Variants in ZC2HC1A observed in about 807,000 individuals in gnomAD.
ZC2HC1A encodes zinc finger C2HC-type containing 1A.
In ZC2HC1A, 28 loss-of-function variants were observed where a neutral mutation model predicts 40.7. The ratio of observed to expected loss-of-function variants is 0.69; its 90% CI spans 0.51 to 0.94. The LOEUF is 0.94. Among genes scored for constraint, ZC2HC1A ranks in the 40% least tolerant of loss-of-function variants. The pLI, the probability that ZC2HC1A is intolerant of heterozygous loss-of-function variation, is 0.00. For synonymous variants in ZC2HC1A, 129 were observed against 129.2 expected (o/e 1.00, Z 0.01); for missense variants, 389 against 386.3 (o/e 1.01, Z -0.06).
In ZC2HC1A at chr8:78,719,009, A is replaced by G. The variant is rs1380526765; in HGVS notation, c.*1516A>G. The G allele has an allele frequency of 6.6e-6, 1 of 151,756 alleles. No individual in the cohort carries two copies. Among genetic ancestry groups the G allele is most frequent in the Non-Finnish European group, 1.5e-5 (1 of 67,682 alleles). 9.4% of individuals were successfully genotyped at this position (151,756 alleles called of 1,614,324 possible). On this transcript the variant is annotated 3_prime_UTR_variant, in exon 9 of 9. Transcript: ENST00000263849. ...TAATAGGAATTGTCATTTTACTTAC[A>G]GTTTATTTCCTGATTAGTTGTTAAT... is the stretch of plus-strand genomic sequence containing the variant.
chr8:78,696,224 CG>C (rs1810408330), intron 5 of ZC2HC1A, among the ~76,000 whole-genome samples: 1 of 152,090 alleles, frequency 6.6e-6, no homozygotes, highest in African/African-American at 2.4e-5. Context: ...TTAGTAGAGA[CG>C]GGGTTTCACT....
At chr8:78,673,684 G>A (rs1399120257) in intron 1 of ZC2HC1A, among the ~76,000 whole-genome samples, 4 of 152,082 alleles carry the variant, frequency 2.6e-5, no homozygotes, top group African/African-American at 7.2e-5. Flanking sequence ...CCTTGCTACC[G>A]GGTAGAAGTT....
intron 7 of ZC2HC1A, among the ~76,000 whole-genome samples, chr8:78,714,240 CTT>C (rs1164922255): frequency 3.3e-5 from 5 of 152,100 alleles, no homozygotes; most frequent in Non-Finnish European, 7.4e-5. Context: ...CTTAGGGGCT[CTT>C]TACCTCATTT....
intron 7 of ZC2HC1A, among the ~76,000 whole-genome samples, chr8:78,703,397 G>A (rs539173453): frequency 3.3e-4 from 51 of 152,240 alleles, no homozygotes; most frequent in African/African-American, 1.2e-3. Flanking sequence ...CACTATTATC[G>A]TGTGAGAGTC....
At chr8:78,704,433 C>A (rs1315162017) in intron 7 of ZC2HC1A, among the ~76,000 whole-genome samples, 9 of 150,504 alleles carry the variant, frequency 6.0e-5, no homozygotes, top group Non-Finnish European at 1.3e-4. Flanking sequence ...TCCCCAATAT[C>A]TTCTGGCTTG....
At chr8:78,676,892 A>T (rs1809599824) in intron 2 of ZC2HC1A, among the ~76,000 whole-genome samples, 1 of 151,956 alleles carries the variant, frequency 6.6e-6, no homozygotes, top group African/African-American at 2.4e-5. Context: ...CTGAAACTTG[A>T]ATTATGTTGG....
At chr8:78,673,032 A>G (rs1024773654) in intron 1 of ZC2HC1A, among the ~76,000 whole-genome samples, 2 of 151,942 alleles carry the variant, frequency 1.3e-5, no homozygotes, top group East Asian at 1.9e-4. Context: ...CCCCACATGC[A>G]TTAGGTATTT....
intron 5 of ZC2HC1A, among the ~76,000 whole-genome samples, chr8:78,694,397 C>A (rs1281399102): frequency 6.6e-6 from 1 of 151,654 alleles, no homozygotes; most frequent in Non-Finnish European, 1.5e-5. Context: ...TTCATGCCTT[C>A]TTCCAGAGAA....
At chr8:78,699,777 T>C (rs185583464) in intron 7 of ZC2HC1A, among the ~76,000 whole-genome samples, 2 of 152,320 alleles carry the variant, frequency 1.3e-5, no homozygotes, top group East Asian at 1.9e-4. Flanking sequence ...GCTCCATTCA[T>C]GTCCCTCCTA....
chr8:78,695,535 A>G (rs1810372456), intron 5 of ZC2HC1A, among the ~76,000 whole-genome samples: 1 of 152,022 alleles, frequency 6.6e-6, no homozygotes, highest in Admixed American at 6.6e-5. Flanking sequence ...TTGTTTCCTA[A>G]TCTGATTTTA....
intron 7 of ZC2HC1A, among the ~76,000 whole-genome samples, chr8:78,699,292 C>T (rs1563633508): frequency 6.6e-6 from 1 of 151,906 alleles, no homozygotes; most frequent in Non-Finnish European, 1.5e-5. Context: ...AAAATTGTAA[C>T]AGTGGAGATA....
intron 7 of ZC2HC1A, among the ~76,000 whole-genome samples, chr8:78,699,757 A>T (rs977992619): frequency 6.6e-6 from 1 of 152,142 alleles, no homozygotes; most frequent in Non-Finnish European, 1.5e-5. Flanking sequence ...CCTAAGGATA[A>T]TGGCCTCCAG....
chr8:78,670,415 T>C (rs954906310), intron 1 of ZC2HC1A, among the ~76,000 whole-genome samples: 4 of 152,192 alleles, frequency 2.6e-5, no homozygotes, highest in African/African-American at 7.2e-5. Flanking sequence ...TGGAGAACAT[T>C]GGTTTTGGGA....
At chr8:78,709,736 A>T (rs1810896098) in intron 7 of ZC2HC1A, among the ~76,000 whole-genome samples, 2 of 151,570 alleles carry the variant, frequency 1.3e-5, no homozygotes, top group Admixed American at 6.6e-5. Context: ...AAAAAAAAAA[A>T]TTTCATAATG....
At chr8:78,692,950 C>A (rs1285848356) in intron 5 of ZC2HC1A, among the ~76,000 whole-genome samples, 1 of 152,052 alleles carries the variant, frequency 6.6e-6, no homozygotes, top group Admixed American at 6.6e-5. Context: ...TCTCATTGTT[C>A]AATTCCCACC....
intron 4 of ZC2HC1A, among the ~76,000 whole-genome samples, chr8:78,687,028 T>C (rs1810003473): frequency 6.6e-6 from 1 of 152,160 alleles, no homozygotes; most frequent in Non-Finnish European, 1.5e-5. Context: ...TTTCCTAAAA[T>C]GTATAATTCA....
At chr8:78,697,983 T>C (rs938139000) in intron 6 of ZC2HC1A, among the ~76,000 whole-genome samples, 30 of 152,264 alleles carry the variant, frequency 2.0e-4, no homozygotes, top group African/African-American at 6.7e-4. Flanking sequence ...GCCGAGCCAC[T>C]TTTTTGTTGT....
chr8:78,697,066 T>C lies in ZC2HC1A; in HGVS notation c.505-341T>C, dbSNP rs540371097. On this transcript the variant is annotated intron_variant, in intron 5 of 8. Coordinates refer to ENST00000263849, the MANE Select transcript of ZC2HC1A (RefSeq NM_016010.3). ...AGTTTGGAAAACCTTTGAGGTGATA[T>C]ATTTTAATCTATACTTCCTCAATTT... 3.0e-4 allele frequency among the ~76,000 whole-genome samples: 46 copies of C among 152,336 alleles called. 1 individual carries two copies. The highest frequency in any genetic ancestry group is 4.7e-4 in the Non-Finnish European group (32 of 68,028).
At chr8:78,695,257 G>T (rs1810360515) in intron 5 of ZC2HC1A, among the ~76,000 whole-genome samples, 1 of 152,098 alleles carries the variant, frequency 6.6e-6, no homozygotes, top group African/African-American at 2.4e-5. Flanking sequence ...GTAAAATAGT[G>T]GGAAGTCTTA....
Sources: gnomAD v4.1 joint callset for allele counts (sites outside exome capture counted in the v4.1 genomes callset) on GRCh38, gnomAD v4.1.1 for gene constraint, MANE v1.5 for transcripts, NCBI Gene and HGNC (gene_info 2026-07-23, HGNC 2026-07-21) for gene names.